CUX1: variants seen among roughly 807,000 people sequenced by gnomAD.
CUX1 encodes the protein cut like homeobox 1, also known as protein CASP.
Under a neutral mutation model 158.8 loss-of-function variants are expected in CUX1, and 31 were observed. That is an observed-to-expected ratio of 0.20 (90% CI 0.15 to 0.26). The LOEUF is 0.26. Among genes scored for constraint, CUX1 ranks in the 10% least tolerant of loss-of-function variants. The probability of loss-of-function intolerance (pLI) is 1.00; values close to 1 mark genes in which losing one functional copy is unlikely to be tolerated. For synonymous variants in CUX1, 879 were observed against 862.1 expected, an observed-to-expected ratio of 1.02 and a Z score of -0.34; for missense variants, 1,589 against 2,014.6, an observed-to-expected ratio of 0.79 and a Z score of 4.04.
chr7:102,073,767 T>C (rs191569885), intron 4 of CUX1, among the ~76,000 whole-genome samples: 261 of 152,144 alleles, frequency 1.7e-3, no homozygotes, highest in Non-Finnish European at 3.1e-3. Context: ...ATTATGATTC[T>C]TATTATTACC....
chr7:101,830,213 A>T (rs1793828688), intron 1 of CUX1, among the ~76,000 whole-genome samples: 1 of 152,046 alleles, frequency 6.6e-6, no homozygotes, highest in Non-Finnish European at 1.5e-5. Context: ...GTGATACCGC[A>T]CTCAAATCCA....
At chr7:102,115,068 TG>T in intron 7 of CUX1, 138 bp from the exon 8 acceptor site, 1 of 708,828 alleles carries the variant, frequency 1.4e-6, no homozygotes, top group South Asian at 1.7e-5. Flanking sequence ...TGGCCTCTTT[TG>T]TGTGTTTTTA....
chr7:102,133,406 C>T (rs1833539233), intron 8 of CUX1, among the ~76,000 whole-genome samples: 1 of 150,772 alleles, frequency 6.6e-6, no homozygotes, highest in South Asian at 2.1e-4. Flanking sequence ...AGGGGCTCTT[C>T]ATGTGGGGTC....
chr7:102,190,586 C>T (rs1554516731), intron 12 of CUX1, among the ~76,000 whole-genome samples: 1 of 152,182 alleles, frequency 6.6e-6, no homozygotes, highest in African/African-American at 2.4e-5. Flanking sequence ...CATTCCAAGC[C>T]TTCCCACTGG....
At chr7:101,999,590 G>T (rs538231990) in intron 2 of CUX1, among the ~76,000 whole-genome samples, 7 of 152,164 alleles carry the variant, frequency 4.6e-5, no homozygotes, top group Non-Finnish European at 7.3e-5. Context: ...GTGTCTGAGC[G>T]CTGCTTCTGC....
intron 8 of CUX1, among the ~76,000 whole-genome samples, chr7:102,132,139 T>TG (rs1554497369): frequency 7.3e-6 from 1 of 136,894 alleles, no homozygotes. Context: ...TGGAGATGGA[T>TG]GGGCGGGTGG....
chr7:101,831,916 G>A (rs958666339), intron 1 of CUX1, among the ~76,000 whole-genome samples: 2 of 148,380 alleles, frequency 1.3e-5, no homozygotes, highest in African/African-American at 4.9e-5. Context: ...TAACTTTTTT[G>A]TATTTTTTGT....
At chr7:101,883,797 T>C (rs1562962823) in intron 1 of CUX1, among the ~76,000 whole-genome samples, 1 of 152,132 alleles carries the variant, frequency 6.6e-6, no homozygotes, top group Non-Finnish European at 1.5e-5. Flanking sequence ...GGTTTCACCA[T>C]GTTGGCCAGG....
At chr7:101,933,556 G>A (rs2129123097) in intron 2 of CUX1, among the ~76,000 whole-genome samples, 1 of 151,974 alleles carries the variant, frequency 6.6e-6, no homozygotes, top group East Asian at 1.9e-4. Context: ...AATTAGAACT[G>A]GCCGAAGAAA....
At chr7:102,006,037 G>A (rs184266348) in intron 2 of CUX1, among the ~76,000 whole-genome samples, 4 of 152,328 alleles carry the variant, frequency 2.6e-5, no homozygotes, top group Admixed American at 6.5e-5. Flanking sequence ...TAAGGCTGCC[G>A]AGGTTGAAGT....
chr7:102,261,146 G>A (rs910283973), downstream of CUX1, among the ~76,000 whole-genome samples: 1 of 152,170 alleles, frequency 6.6e-6, no homozygotes, highest in Non-Finnish European at 1.5e-5. Flanking sequence ...CCTTAGGCAG[G>A]CATTGCTGAA....
intron 14 of CUX1, among the ~76,000 whole-genome samples, chr7:102,263,418 G>A (rs12669606): frequency 0.6 from 87,580 of 146,334 alleles, 26,346 homozygotes; most frequent in East Asian, 0.79. Context: ...GGTTCAAGCA[G>A]TTCTCCTGCC....
intron 5 of CUX1, among the ~76,000 whole-genome samples, chr7:102,100,703 A>C (rs1829678678): frequency 6.6e-6 from 1 of 152,168 alleles, no homozygotes; most frequent in Admixed American, 6.5e-5. Flanking sequence ...ACAATGGCTC[A>C]TGCCTATAAT....
chr7:102,068,477 A>G (rs999577047), intron 3 of CUX1, among the ~76,000 whole-genome samples: 7 of 152,004 alleles, frequency 4.6e-5, no homozygotes, highest in Non-Finnish European at 1.0e-4. Flanking sequence ...GTTCCAAACA[A>G]TTGACTTCAA....
At chr7:101,898,185 CAT>C (rs1801727576) in intron 1 of CUX1, among the ~76,000 whole-genome samples, 1 of 152,100 alleles carries the variant, frequency 6.6e-6, no homozygotes, top group South Asian at 2.1e-4. Flanking sequence ...TGATTGAAAA[CAT>C]GTGAGAGGTA....
At chr7:101,957,018 T>C (rs1809861005) in intron 2 of CUX1, among the ~76,000 whole-genome samples, 1 of 152,148 alleles carries the variant, frequency 6.6e-6, no homozygotes, top group South Asian at 2.1e-4. Context: ...ATTGATATAC[T>C]AAAAACAGGT....
intron 3 of CUX1, among the ~76,000 whole-genome samples, chr7:102,066,698 T>C (rs969021621): frequency 2.0e-5 from 3 of 152,192 alleles, no homozygotes; most frequent in Non-Finnish European, 4.4e-5. Flanking sequence ...CCCAGCTTCC[T>C]GGACAGACTC....
chr7:101,939,058 CATATATATATATATATAT>C (rs58303224), intron 2 of CUX1, among the ~76,000 whole-genome samples: 3,587 of 52,338 alleles, frequency 0.069, 313 homozygotes, highest in African/African-American at 0.074. Flanking sequence ...AAAAAAAATA[CATATATATATATATATAT>C]ATATATATAT....
chr7:101,924,451 C>A (rs993283635), intron 2 of CUX1, among the ~76,000 whole-genome samples: 1 of 152,164 alleles, frequency 6.6e-6, no homozygotes, highest in Non-Finnish European at 1.5e-5. Context: ...CTGCACACCC[C>A]CCAGGACCCT....
Sources: allele counts gnomAD v4.1 joint callset (sites outside exome capture counted in the v4.1 genomes callset), GRCh38; gene constraint gnomAD v4.1.1; transcripts MANE v1.5; gene names NCBI Gene and HGNC (gene_info 2026-07-23, HGNC 2026-07-21).